The following PLS1 variants were observed in gnomAD, a reference collection of about 807,000 sequenced individuals.
The protein encoded by PLS1 is plastin-1.
In PLS1, 32 loss-of-function variants were observed where a neutral mutation model predicts 73.7. That is an observed-to-expected ratio of 0.43 (90% CI 0.33 to 0.58). The LOEUF is 0.58. PLS1 is among the 20% of genes least tolerant of loss of function. The probability of loss-of-function intolerance (pLI) is 0.04; values close to 1 mark genes in which losing one functional copy is unlikely to be tolerated. For synonymous variants in PLS1, 217 were observed against 261.3 expected (o/e 0.83, Z 1.63); for missense variants, 633 against 740.5 (o/e 0.85, Z 1.68).
chr3:142,607,015 T>C (rs2036032735), intron 1 of PLS1, among the ~76,000 whole-genome samples: 1 of 152,224 alleles, frequency 6.6e-6, no homozygotes, highest in African/African-American at 2.4e-5. Flanking sequence ...CCAAACCGTT[T>C]TCTGGAGCAG....
intron 12 of PLS1, among the ~76,000 whole-genome samples, chr3:142,702,106 C>G (rs537450473): frequency 8.5e-5 from 13 of 152,300 alleles, no homozygotes; most frequent in African/African-American, 2.9e-4. Flanking sequence ...GGAGTGCATG[C>G]TATTCACAGG....
chr3:142,702,953 G>T (rs1157896331), intron 12 of PLS1, among the ~76,000 whole-genome samples: 1 of 152,112 alleles, frequency 6.6e-6, no homozygotes, highest in Non-Finnish European at 1.5e-5. Context: ...CACATACAAG[G>T]CTAAGTATAG....
intron 1 of PLS1, among the ~76,000 whole-genome samples, chr3:142,661,675 A>C (rs1039289989): frequency 3.3e-5 from 5 of 152,206 alleles, no homozygotes; most frequent in African/African-American, 1.2e-4. Flanking sequence ...AAAGTGTATA[A>C]AAAAGAGGAT....
intron 2 of PLS1, among the ~76,000 whole-genome samples, chr3:142,668,556 CTGA>C (rs1396907860): frequency 6.6e-6 from 1 of 151,248 alleles, no homozygotes; most frequent in African/African-American, 2.4e-5. Flanking sequence ...AAGTTAAAGT[CTGA>C]GTGGGTGCTC....
intron 1 of PLS1, chr3:142,619,414 T>C (rs551673241): frequency 6.6e-6 from 1 of 152,330 alleles, no homozygotes; most frequent in African/African-American, 2.4e-5. Context: ...TTATCTATGA[T>C]ACATATTTAT....
At chr3:142,660,226 T>G (rs2037339493) in intron 1 of PLS1, among the ~76,000 whole-genome samples, 1 of 152,108 alleles carries the variant, frequency 6.6e-6, no homozygotes, top group Non-Finnish European at 1.5e-5. Context: ...CTGTTACCAT[T>G]TTTTTGTACC....
intron 1 of PLS1, among the ~76,000 whole-genome samples, chr3:142,654,357 T>C (rs1385598683): frequency 6.6e-6 from 1 of 152,156 alleles, no homozygotes; most frequent in East Asian, 1.9e-4. Flanking sequence ...AATACTATTA[T>C]TTTTTTGAGA....
Position 142,703,061 on chromosome 3 carries a change from T to C in PLS1, c.1372-807T>C, listed in dbSNP as rs567747327. 3.9e-5 allele frequency among the ~76,000 whole-genome samples: 6 copies of C among 152,316 alleles called. No homozygotes were observed. The East Asian group carries it at 9.6e-4, about 24-fold the overall frequency. Reference sequence around the variant, plus strand: ...TGGTACAGTTAAGGTTAAGCCTTTATTGAAGAAAGTGGGCCAAAAGCTGAA... The same window carrying C: ...TGGTACAGTTAAGGTTAAGCCTTTACTGAAGAAAGTGGGCCAAAAGCTGAA... On this transcript the variant is annotated intron_variant, in intron 12 of 15. Coordinates refer to ENST00000457734, the MANE Select transcript of PLS1 (RefSeq NM_001145319.2).
chr3:142,652,635 C>T (rs2037123143), intron 1 of PLS1, among the ~76,000 whole-genome samples: 2 of 152,184 alleles, frequency 1.3e-5, no homozygotes, highest in Admixed American at 6.5e-5. Flanking sequence ...TTGCCTAGGC[C>T]ATCCCTTCAA....
intron 1 of PLS1, among the ~76,000 whole-genome samples, chr3:142,659,865 T>G (rs915232186): frequency 2.8e-4 from 42 of 152,232 alleles, no homozygotes; most frequent in African/African-American, 8.9e-4. Flanking sequence ...CCTGGCTAAT[T>G]TACTTCCACT....
At chr3:142,629,658 C>G (rs181082976) in intron 1 of PLS1, among the ~76,000 whole-genome samples, 1 of 152,286 alleles carries the variant, frequency 6.6e-6, no homozygotes, top group Non-Finnish European at 1.5e-5. Flanking sequence ...AGGAACAGTG[C>G]CAGTTCTTAC....
rs1226036141 is a variant in PLS1 at position 142,652,564 on chromosome 3, C to CG, written c.-36-11638_-36-11637insG. ...CATTAGCGCATCTATCTGAGTGGAG[C>CG]CGAGGGCACAGAGTAGGAGGCGGGG... On this transcript the variant is annotated intron_variant, in intron 1 of 15. Coordinates refer to ENST00000457734, the MANE Select transcript of PLS1 (RefSeq NM_001145319.2). Among the ~76,000 whole-genome samples the CG allele has an allele frequency of 2.6e-5, 4 of 152,240 alleles. No individual in the cohort carries two copies. The South Asian group carries it at 6.2e-4, about 24-fold the overall frequency.
At chr3:142,627,375 A>C (rs978152466) in intron 1 of PLS1, among the ~76,000 whole-genome samples, 1 of 152,230 alleles carries the variant, frequency 6.6e-6, no homozygotes, top group Non-Finnish European at 1.5e-5. Flanking sequence ...TAGGAGTGAC[A>C]TATTAAGGTT....
chr3:142,679,993 C>T (rs1445768296), intron 6 of PLS1, among the ~76,000 whole-genome samples: 1 of 151,946 alleles, frequency 6.6e-6, no homozygotes, highest in Non-Finnish European at 1.5e-5. Context: ...CCTTCACATC[C>T]CTTGTAAGTT....
intron 1 of PLS1, among the ~76,000 whole-genome samples, chr3:142,607,520 C>T (rs1375303122): frequency 1.3e-5 from 2 of 152,338 alleles, no homozygotes; most frequent in African/African-American, 2.4e-5. Context: ...ATGATCCACC[C>T]GCCTCGGCCT....
At chr3:142,602,105 C>T (rs948064842) in intron 1 of PLS1, among the ~76,000 whole-genome samples, 25 of 103,670 alleles carry the variant, frequency 2.4e-4, no homozygotes, top group African/African-American at 1.0e-3. Flanking sequence ...TAAATCGTTC[C>T]GGTTTTTTTT....
At chr3:142,612,145 A>G (rs1034284848) in intron 1 of PLS1, among the ~76,000 whole-genome samples, 1 of 152,260 alleles carries the variant, frequency 6.6e-6, no homozygotes, top group Non-Finnish European at 1.5e-5. Context: ...TCATTGAAAG[A>G]GGAATTTAGC....
intron 11 of PLS1, 137 bp from the exon 12 acceptor site, chr3:142,697,816 A>G (rs2038242031): frequency 1.8e-6 from 1 of 549,660 alleles, no homozygotes; most frequent in Admixed American, 3.5e-5. Context: ...TCTGGGTCAA[A>G]TGATATGTCC....
chr3:142,695,087 T>A (rs752907297), intron 11 of PLS1, among the ~76,000 whole-genome samples: 3 of 151,960 alleles, frequency 2.0e-5, no homozygotes, highest in Non-Finnish European at 4.4e-5. Flanking sequence ...ACGATGCATC[T>A]TTCTAAGTGT....
Sources: allele counts gnomAD v4.1 joint callset (sites outside exome capture counted in the v4.1 genomes callset), GRCh38; gene constraint gnomAD v4.1.1; transcripts MANE v1.5; gene names NCBI Gene and HGNC (gene_info 2026-07-23, HGNC 2026-07-21).